The following KDM3A variants were observed in gnomAD, a reference collection of about 807,000 sequenced individuals.
The protein encoded by KDM3A is lysine-specific demethylase 3A.
In KDM3A, 60 loss-of-function variants were observed where a neutral mutation model predicts 158.0. The observed-to-expected ratio is 0.38, with a 90% confidence interval of 0.31 to 0.47. The LOEUF (loss-of-function observed/expected upper bound fraction) is 0.47, where lower values mean the gene tolerates loss of function less well. Among genes scored for constraint, KDM3A ranks in the 20% least tolerant of loss-of-function variants. The pLI, the probability that KDM3A is intolerant of heterozygous loss-of-function variation, is 0.99. For synonymous variants in KDM3A, 608 were observed against 549.3 expected, an observed-to-expected ratio of 1.11 and a Z score of -1.49; for missense variants, 1,319 against 1,574.3, an observed-to-expected ratio of 0.84 and a Z score of 2.74.
At position 86,489,376 on chromosome 2, in the gene KDM3A, T is replaced by G; in HGVS notation, c.3372T>G (p.Ser1124=). 1 of 1,614,026 alleles carries G rather than the reference T, an allele frequency of 6.2e-7. No individual in the cohort carries two copies. Among genetic ancestry groups the G allele is most frequent in the Non-Finnish European group, 8.5e-7 (1 of 1,179,926 alleles). Residue 1124 remains serine (S), a synonymous_variant, in exon 22 of 26, where the codon TCT becomes TCG. Coordinates refer to ENST00000312912, the MANE Select transcript of KDM3A (RefSeq NM_018433.6). Reference sequence around the variant, plus strand: ...CAACAAATCTTCACTTAGATGTATCTGATGCAGCTAATGTCATGGTCTATG... The same window carrying G: ...CAACAAATCTTCACTTAGATGTATCGGATGCAGCTAATGTCATGGTCTATG... The part of the protein sequence containing the change: ...YGTTNLHLDV[S]DAANVMVYVG...
At chr2:86,458,093 C>T (rs765530806) in intron 8 of KDM3A, among the ~76,000 whole-genome samples, 1 of 152,130 alleles carries the variant, frequency 6.6e-6, no homozygotes, top group Non-Finnish European at 1.5e-5. Flanking sequence ...TAAAAACTGA[C>T]CAAGGCCAGG....
chr2:86,474,812 A>C lies in KDM3A; in HGVS notation c.1761A>C (p.Glu587Asp). The C allele has an allele frequency of 6.2e-7, 1 of 1,607,422 alleles. No individual in the cohort carries two copies. Among genetic ancestry groups the C allele is most frequent in the African/African-American group, 1.4e-5 (1 of 73,786 alleles). Residue 587 changes from glutamate to aspartate, a missense_variant, in exon 12 of 26, where the codon GAA becomes GAC. Physicochemically the swap from Glu to Asp is conservative, Grantham distance 45. Coordinates refer to ENST00000312912, the MANE Select transcript of KDM3A (RefSeq NM_018433.6). ...QFNKHGVLRV[E>D]GFLTPNKYDN... ...ACAAACATGGTGTGTTGCGGGTAGAAGGCTTCTTAACACCAAACAAGTATG... is the reference window on the plus strand; with the variant it reads ...ACAAACATGGTGTGTTGCGGGTAGACGGCTTCTTAACACCAAACAAGTATG...
intron 18 of KDM3A, chr2:86,483,767 A>G (rs1180902432): frequency 7.4e-6 from 3 of 406,238 alleles, no homozygotes; most frequent in Non-Finnish European, 1.3e-5. Flanking sequence ...CTAGATGCTT[A>G]CCCATGTAGT....
Position 86,478,674 on chromosome 2 carries a change from C to G in KDM3A, c.2255C>G (p.Pro752Arg), listed in dbSNP as rs766004105. 3.0e-5 allele frequency: 48 copies of G among 1,613,498 alleles called. No homozygotes were observed. The South Asian group carries it at 5.1e-4, about 17-fold the overall frequency. ...AAATGGGGAATAAAGGCAAACTGCCCTTGTTCAAACAGGCAATTCAAACTC... is the reference window on the plus strand; with the variant it reads ...AAATGGGGAATAAAGGCAAACTGCCGTTGTTCAAACAGGCAATTCAAACTC... ...RAKWGIKANC[P>R]CSNRQFKLFS... The change falls in exon 15 of 26, where the codon CCT (proline) becomes CGT (arginine). Residue 752 changes from proline (P) to arginine (R), a missense_variant. Physicochemically the swap from Pro to Arg is moderately radical, Grantham distance 103. Coordinates refer to ENST00000312912, the MANE Select transcript of KDM3A (RefSeq NM_018433.6).
intron 4 of KDM3A, among the ~76,000 whole-genome samples, chr2:86,451,425 A>G (rs917900370): frequency 2.6e-5 from 4 of 152,206 alleles, no homozygotes; most frequent in African/African-American, 9.6e-5. Flanking sequence ...GTTGGTTAAC[A>G]TATATTTTGT....
chr2:86,449,719 A>G (rs1334934430), intron 2 of KDM3A, 88 bp from the exon 3 acceptor site: 2 of 1,371,664 alleles, frequency 1.5e-6, no homozygotes, highest in Non-Finnish European at 9.9e-7. Flanking sequence ...AAATAGAATA[A>G]TGAAGGTATA....
At chr2:86,461,412 T>C (rs141787924) in intron 8 of KDM3A, among the ~76,000 whole-genome samples, 17 of 152,346 alleles carry the variant, frequency 1.1e-4, no homozygotes, top group Admixed American at 5.2e-4. Flanking sequence ...ATAAGACTTA[T>C]TGATTTATAG....
At chr2:86,451,322 A>T (rs1451851710) in intron 4 of KDM3A, 109 bp downstream of exon 4, 1 of 606,772 alleles carries the variant, frequency 1.6e-6, no homozygotes. Context: ...ATGGATGCCT[A>T]CTCCTTGCAC....
chr2:86,466,473 C>CA lies in KDM3A; in HGVS notation c.1112dup (p.Ser372ValfsTer14), dbSNP rs1459741967. On this transcript the variant is annotated frameshift_variant, in exon 10 of 26. Coordinates refer to ENST00000312912, the MANE Select transcript of KDM3A (RefSeq NM_018433.6). LOFTEE classifies it high-confidence loss of function. The stretch of plus-strand genomic sequence containing the variant: ...GATGTCTGCAAAGCAGGGTTGCTCT[C>CA]AAAGTCCTCTCAGATTGGAACTGGA... 1 of 1,613,904 alleles carries CA rather than the reference C, an allele frequency of 6.2e-7. No homozygotes were observed. Among genetic ancestry groups the CA allele is most frequent in the Middle Eastern group, 1.7e-4 (1 of 6,058 alleles).
chr2:86,451,105 G>A lies in KDM3A; in HGVS notation c.345G>A (p.Thr115=), dbSNP rs746865942. Residue 115 remains threonine, a splice_region_variant and synonymous_variant, in exon 4 of 26, where the codon ACG becomes ACA. Transcript: ENST00000312912. ...TAAAGTGTTTTCTTTTGTTTTAGAC[G>A]TACAAACCTCTGTTGGACAAAGCTG... ...SERIVQWPAI[T]YKPLLDKAGL... is the part of the protein sequence containing the mutation. 27 of 1,597,016 alleles carry A rather than the reference G, an allele frequency of 1.7e-5. No homozygotes were observed. In the South Asian group the frequency reaches 2.0e-4, roughly 12 times the overall value.
chr2:86,480,190 G>A lies in KDM3A; in HGVS notation c.2340G>A (p.Pro780=), dbSNP rs61748134. ...LKQTSLAGEK[P]TLGAVLQQNP... ...AGACTTCTTTAGCTGGAGAAAAACC[G>A]ACTCTTGGTGCAGTGCTCCAGCAGA... Residue 780 remains proline (P), a synonymous_variant, in exon 16 of 26, where the codon CCG becomes CCA. Transcript: ENST00000312912. 34,184 of 1,612,826 alleles carry A rather than the reference G, an allele frequency of 0.021. 499 individuals are homozygous for A. The highest frequency in any genetic ancestry group is 0.066 in the East Asian group (2,958 of 44,884).
At chr2:86,438,126 T>C (rs1158631778), upstream of KDM3A, among the ~76,000 whole-genome samples, 1 of 152,264 alleles carries the variant, frequency 6.6e-6, no homozygotes. Flanking sequence ...AGATATCCTT[T>C]ATAGAGTTAT....
chr2:86,490,484 C>G (rs1183620141), intron 23 of KDM3A: 1 of 156,616 alleles, frequency 6.4e-6, no homozygotes, highest in Non-Finnish European at 1.4e-5. Context: ...CAAGGATAAA[C>G]AAGTCTAATC....
intron 14 of KDM3A, 152 bp downstream of exon 14, chr2:86,478,417 T>C (rs1315482378): frequency 2.4e-6 from 2 of 848,552 alleles, no homozygotes; most frequent in Non-Finnish European, 3.6e-6. Flanking sequence ...CCAACACTTT[T>C]CGAGTCAAGT....
At chr2:86,486,328 T>C (rs138960253) in intron 21 of KDM3A, among the ~76,000 whole-genome samples, 1 of 152,332 alleles carries the variant, frequency 6.6e-6, no homozygotes, top group East Asian at 1.9e-4. Flanking sequence ...AGTTGGACTT[T>C]TATTCTTTTG....
At position 86,466,811 on chromosome 2, in the gene KDM3A, A is replaced by T. The variant is rs376984244; in HGVS notation, c.1447A>T (p.Asn483Tyr). 3 of 1,612,982 alleles carry T rather than the reference A, an allele frequency of 1.9e-6. No individual in the cohort carries two copies. In the African/African-American group the frequency reaches 4.0e-5, roughly 22 times the overall value. Residue 483 changes from asparagine to tyrosine, a missense_variant, in exon 10 of 26, where the codon AAT (asparagine) becomes TAT (tyrosine). Physicochemically the swap from Asn to Tyr is moderately radical, Grantham distance 143. This residue lies in a region of KDM3A where 652 missense variants were observed against 627.2 expected (regional missense o/e 1.04). Transcript: ENST00000312912. ...EPSALACRSQ[N>Y]LKESSVKVDN... ...TTCAGCTTTAGCTTGCCGATCACAG[A>T]ATTTAAAGGAATCTTCAGTAAAAGT...
intron 4 of KDM3A, among the ~76,000 whole-genome samples, chr2:86,451,933 A>G (rs1458246226): frequency 2.6e-5 from 4 of 152,242 alleles, no homozygotes; most frequent in Non-Finnish European, 4.4e-5. Flanking sequence ...TCATGCATAC[A>G]TATATACAAG....
rs1307970016 is a variant in KDM3A, at chr2:86,456,611, G to A, written c.681+45G>A. 3.2e-6 allele frequency: 5 copies of A among 1,558,408 alleles called. No homozygotes were observed. The Admixed American group carries it at 7.2e-5, about 22-fold the overall frequency. ...TTTGTAAGATAACTCGACAAAGCAT[G>A]ATAACTATACAAAGCATTTATGATT... is the stretch of plus-strand genomic sequence containing the variant. On this transcript the variant is annotated intron_variant, in intron 6 of 25. Coordinates refer to ENST00000312912, the MANE Select transcript of KDM3A (RefSeq NM_018433.6).
Position 86,470,377 on chromosome 2 carries a change from C to A in KDM3A, c.1693C>A (p.Pro565Thr), listed in dbSNP as rs764857150. Residue 565 changes from proline (P) to threonine (T), a missense_variant, in exon 11 of 26, where the codon CCT (proline) becomes ACT (threonine). Pro to Thr is a conservative substitution (Grantham distance 38). Coordinates refer to ENST00000312912, the MANE Select transcript of KDM3A (RefSeq NM_018433.6). ...GGATAAGGAGCAACAGAAGGACTCA[C>A]CTGTGTTTTGCCGCTTCTTTCACTT... ...RKDKEQQKDS[P>T]VFCRFFHFRR... is the part of the protein sequence containing the mutation. The A allele has an allele frequency of 5.8e-5, 94 of 1,613,872 alleles. No homozygotes were observed. Among genetic ancestry groups the A allele is most frequent in the Non-Finnish European group, 7.8e-5 (92 of 1,179,944 alleles).
Sources: allele counts gnomAD v4.1 joint callset (sites outside exome capture counted in the v4.1 genomes callset), GRCh38; gene constraint gnomAD v4.1.1; regional missense constraint gnomAD v4.1.1; transcripts MANE v1.5; gene names NCBI Gene and HGNC (gene_info 2026-07-23, HGNC 2026-07-21).